Variants in EXPH5 observed in about 807,000 individuals in gnomAD.
EXPH5 encodes the protein exophilin 5.
A neutral mutation model predicts 41.1 loss-of-function variants in EXPH5; 42 were observed. The ratio of observed to expected loss-of-function variants is 1.02; its 90% CI spans 0.80 to 1.32. The LOEUF (loss-of-function observed/expected upper bound fraction) is 1.32, where lower values mean the gene tolerates loss of function less well. Ranked by LOEUF, EXPH5 falls within the 40% of genes most tolerant of loss-of-function variation. The probability of loss-of-function intolerance (pLI) is 0.00; values close to 1 mark genes in which losing one functional copy is unlikely to be tolerated. For missense variants in EXPH5, 2,298 were observed against 2,314.5 expected, an observed-to-expected ratio of 0.99 and a Z score of 0.15; for synonymous variants, 798 against 833.5, an observed-to-expected ratio of 0.96 and a Z score of 0.73.
chr11:108,579,904 C>T (rs1320758342), intron 1 of EXPH5, among the ~76,000 whole-genome samples: 1 of 152,016 alleles, frequency 6.6e-6, no homozygotes, highest in Non-Finnish European at 1.5e-5. Flanking sequence ...CGCATACACA[C>T]TAAAACTCTC....
chr11:108,522,157 C>T (rs1248884405), intron 4 of EXPH5, among the ~76,000 whole-genome samples: 3 of 151,604 alleles, frequency 2.0e-5, no homozygotes, highest in Non-Finnish European at 4.4e-5. Flanking sequence ...TTCATTTACA[C>T]TCAACTGTAA....
In EXPH5 at chr11:108,513,156, G is replaced by A. The variant is rs115994428; in HGVS notation, c.2351C>T (p.Pro784Leu). 3.8e-4 allele frequency: 607 copies of A among 1,613,862 alleles called. 2 individuals are homozygous for A. In the African/African-American group the frequency reaches 6.6e-3, roughly 18 times the overall value. The change falls in exon 6 of 6, where the codon CCG becomes CTG. Residue 784 changes from proline to leucine, a missense_variant. By Grantham distance (98) the Pro-to-Leu change is moderately conservative. Transcript: ENST00000265843. The stretch of plus-strand genomic sequence containing the variant: ...AATGTCATTGGATTTATCTGTGTGC[G>A]GTATATACATTTTGGAGGTATCTTT... The part of the protein sequence containing the change: ...SRKDTSKMYI[P>L]HTDKSNDIKQ...
chr11:108,552,397 C>T (rs1490893381), intron 1 of EXPH5, among the ~76,000 whole-genome samples: 4 of 152,026 alleles, frequency 2.6e-5, no homozygotes, highest in Non-Finnish European at 5.9e-5. Flanking sequence ...AAATCATACA[C>T]GGAAGTCTGA....
At chr11:108,583,648 C>A (rs2094105084) in intron 1 of EXPH5, among the ~76,000 whole-genome samples, 1 of 150,886 alleles carries the variant, frequency 6.6e-6, no homozygotes, top group Non-Finnish European at 1.5e-5. Context: ...ATAGCAAAAC[C>A]CCATCTCTAT....
chr11:108,606,661 T>C, the EXPH5 span, among the ~76,000 whole-genome samples: 1 of 152,126 alleles, frequency 6.6e-6, no homozygotes, highest in Non-Finnish European at 1.5e-5. Flanking sequence ...GCAAGAAGCT[T>C]TTCCCAACCC....
intron 1 of EXPH5, among the ~76,000 whole-genome samples, chr11:108,556,629 C>G (rs1170001299): frequency 6.6e-6 from 1 of 152,064 alleles, no homozygotes; most frequent in Non-Finnish European, 1.5e-5. Flanking sequence ...GCATGCACAA[C>G]CACGCCCAGC....
intron 1 of EXPH5, among the ~76,000 whole-genome samples, chr11:108,552,838 C>T (rs111333383): frequency 3.9e-5 from 6 of 152,212 alleles, no homozygotes; most frequent in African/African-American, 1.4e-4. Flanking sequence ...AGAATCTGAG[C>T]TCAGGAGGTC....
intron 1 of EXPH5, among the ~76,000 whole-genome samples, chr11:108,571,723 A>G (rs1319772052): frequency 6.6e-6 from 1 of 152,134 alleles, no homozygotes; most frequent in Non-Finnish European, 1.5e-5. Flanking sequence ...TTGACATCTG[A>G]AGAAGGGAAC....
At position 108,509,813 on chromosome 11, in the gene EXPH5, T is replaced by C; in HGVS notation, c.5694A>G (p.Leu1898=). ...IFGKEQQLAF[L]ENVKRSLTQG... ...GTGTAAGTGACCTCTTTACATTTTC[T>C]AAGAAAGCTAACTGTTGTTCTTTCC... The change falls in exon 6 of 6, where the codon TTA becomes TTG. Residue 1898 remains leucine, a synonymous_variant. Transcript: ENST00000265843. 6.2e-7 allele frequency: 1 copy of C among 1,613,610 alleles called. No individual in the cohort carries two copies. The highest frequency in any genetic ancestry group is 8.5e-7 in the Non-Finnish European group (1 of 1,179,892).
chr11:108,558,192 C>T (rs1000695676), intron 1 of EXPH5, among the ~76,000 whole-genome samples: 3 of 152,160 alleles, frequency 2.0e-5, no homozygotes, highest in African/African-American at 7.2e-5. Flanking sequence ...ATCCCCTTGC[C>T]TCAGACTCTC....
chr11:108,579,550 A>T (rs1009254784), intron 1 of EXPH5, among the ~76,000 whole-genome samples: 14 of 152,056 alleles, frequency 9.2e-5, no homozygotes, highest in Admixed American at 2.6e-4. Context: ...AAAAAAAAAA[A>T]AAGTAAATAT....
chr11:108,523,532 T>G (rs2093778735), intron 4 of EXPH5, among the ~76,000 whole-genome samples: 1 of 152,198 alleles, frequency 6.6e-6, no homozygotes, highest in African/African-American at 2.4e-5. Context: ...GGCATGACAC[T>G]TTGCACATAG....
intron 1 of EXPH5, among the ~76,000 whole-genome samples, chr11:108,570,101 C>A (rs1265059849): frequency 6.6e-6 from 1 of 152,208 alleles, no homozygotes; most frequent in Non-Finnish European, 1.5e-5. Context: ...GCCTGGCCTG[C>A]CTCCTGAAAT....
In EXPH5 at chr11:108,512,692, G is replaced by T; in HGVS notation, c.2815C>A (p.His939Asn). The T allele has an allele frequency of 6.2e-7, 1 of 1,614,064 alleles. No individual in the cohort carries two copies. Among genetic ancestry groups the T allele is most frequent in the Non-Finnish European group, 8.5e-7 (1 of 1,180,014 alleles). The change falls in exon 6 of 6, where the codon CAC (histidine) becomes AAC (asparagine). Residue 939 changes from histidine to asparagine, a missense_variant. By Grantham distance (68) the His-to-Asn change is moderately conservative. Transcript: ENST00000265843. ...KNQKNQFIVS[H>N]SENQERNDSP... is the part of the protein sequence containing the mutation. ...TCATTTCTCTCTTGGTTTTCTGAGT[G>T]GCTTACAATAAACTGATTCTTTTGG... is the stretch of plus-strand genomic sequence containing the variant.
chr11:108,524,631 G>C (rs2093786329), intron 4 of EXPH5, among the ~76,000 whole-genome samples: 1 of 152,198 alleles, frequency 6.6e-6, no homozygotes, highest in Admixed American at 6.5e-5. Context: ...CTCTGTCATA[G>C]AGTAGCCTTA....
chr11:108,558,059 C>T (rs540152523), intron 1 of EXPH5, among the ~76,000 whole-genome samples: 93 of 152,262 alleles, frequency 6.1e-4, no homozygotes, highest in Non-Finnish European at 5.1e-4. Flanking sequence ...TCTCCTGCTT[C>T]GGCCTCCTGA....
rs12366211 is a variant in EXPH5 at position 108,508,922 on chromosome 11, T to C, written c.*615A>G. 3,887 of 147,970 alleles carry C rather than the reference T, an allele frequency of 0.026. 63 individuals are homozygous for C. The highest frequency in any genetic ancestry group is 0.035 in the Non-Finnish European group (2,384 of 67,810). The allele number at this position is 147,970 out of a possible 1,614,324, so 9.2% of individuals were successfully genotyped here. A position where few individuals can be genotyped will look rare whatever the true frequency, so the allele number is the denominator to read the frequency against. Reference sequence around the variant, plus strand: ...CACTACGGATATAACAGGAAGTACTTACAAAATTCCTTTATCTTTTTTTTT... The same window carrying C: ...CACTACGGATATAACAGGAAGTACTCACAAAATTCCTTTATCTTTTTTTTT... On this transcript the variant is annotated 3_prime_UTR_variant, in exon 6 of 6. Transcript: ENST00000265843.
chr11:108,508,444 T>A lies in EXPH5; in HGVS notation c.*1093A>T, dbSNP rs1455675962. On this transcript the variant is annotated 3_prime_UTR_variant, in exon 6 of 6. Coordinates refer to ENST00000265843, the MANE Select transcript of EXPH5 (RefSeq NM_015065.3). ...ATCGCTTGAACCCGGGAGGCGGAGG[T>A]TGCAGTGAGCCCAGATCATGCCACT... The A allele has an allele frequency of 6.6e-6, 1 of 152,458 alleles. No homozygotes were observed. The highest frequency in any genetic ancestry group is 2.4e-5 in the African/African-American group (1 of 41,368). 9.4% of individuals were successfully genotyped at this position (152,458 alleles called of 1,614,324 possible).
chr11:108,601,311 C>T, the EXPH5 span, among the ~76,000 whole-genome samples: 411 of 152,256 alleles, frequency 2.7e-3, 1 homozygote, highest in Middle Eastern at 0.014. Context: ...AAGTTGCTGA[C>T]TAGGTAGACA....
Sources: allele counts gnomAD v4.1 joint callset (sites outside exome capture counted in the v4.1 genomes callset), GRCh38; gene constraint gnomAD v4.1.1; transcripts MANE v1.5; gene names NCBI Gene and HGNC (gene_info 2026-07-23, HGNC 2026-07-21).